The following FBN2 variants were observed in gnomAD, a reference collection of about 807,000 sequenced individuals.
FBN2 encodes fibrillin-2.
FBN2 carries 105 observed loss-of-function variants against 355.6 expected under a neutral mutation model. The observed-to-expected ratio is 0.30, with a 90% CI of 0.25 to 0.35. FBN2 has a LOEUF of 0.35. Ranked by LOEUF, FBN2 falls within the 10% of genes least tolerant of loss-of-function variation. The pLI, the probability that FBN2 is intolerant of heterozygous loss-of-function variation, is 1.00. For missense variants in FBN2, 3,280 were observed against 3,758.7 expected (o/e 0.87, Z 3.33); for synonymous variants, 1,350 against 1,301.2 (o/e 1.04, Z -0.81).
At chr5:128,304,145 T>C (rs1749799158) in intron 45 of FBN2, among the ~76,000 whole-genome samples, 1 of 152,214 alleles carries the variant, frequency 6.6e-6, no homozygotes, top group African/African-American at 2.4e-5. Flanking sequence ...CAAGAGTAGC[T>C]GAACAGCCCT....
intron 48 of FBN2, among the ~76,000 whole-genome samples, chr5:128,296,968 A>G (rs989630241): frequency 2.0e-5 from 3 of 151,804 alleles, no homozygotes; most frequent in African/African-American, 4.8e-5. Context: ...TTCTCTTGTG[A>G]GCATTTAGTG....
intron 7 of FBN2, among the ~76,000 whole-genome samples, chr5:128,410,960 T>A (rs1224691358): frequency 6.6e-6 from 1 of 152,222 alleles, no homozygotes; most frequent in Non-Finnish European, 1.5e-5. Context: ...GGTGCTTTTT[T>A]AAAACAACAA....
Position 128,464,912 on chromosome 5 carries a change from G to T in FBN2, c.638C>A (p.Thr213Lys). Reference protein sequence around the residue: ...TGPQCERDYRTGPCFTQVNNQ... With the variant: ...TGPQCERDYRKGPCFTQVNNQ... ...GTTGACCTGAGTGAAACACGGGCCTGTCCTGTAATCTGGAATGTGGGAGAA... is the reference window on the plus strand; with the variant it reads ...GTTGACCTGAGTGAAACACGGGCCTTTCCTGTAATCTGGAATGTGGGAGAA... The change falls in exon 6 of 65, where the codon ACA becomes AAA. Residue 213 changes from threonine (T) to lysine (K), a missense_variant. Thr to Lys is a moderately conservative substitution (Grantham distance 78). Coordinates refer to ENST00000262464, the MANE Select transcript of FBN2 (RefSeq NM_001999.4). 1 of 1,614,196 alleles carries T rather than the reference G, an allele frequency of 6.2e-7. No individual in the cohort carries two copies.
chr5:128,368,099 C>A (rs1751821463), intron 16 of FBN2, among the ~76,000 whole-genome samples: 1 of 152,004 alleles, frequency 6.6e-6, no homozygotes, highest in African/African-American at 2.4e-5. Context: ...CTACAAATTG[C>A]TCCTTCCTCT....
intron 39 of FBN2, among the ~76,000 whole-genome samples, chr5:128,310,380 ATATATATATATATATATATATATTT>A (rs1467012129): frequency 4.9e-4 from 6 of 12,206 alleles, no homozygotes; most frequent in African/African-American, 2.3e-3. Context: ...ATATATATAT[ATATATATATATATATATATATATTT>A]TTTTTTTTTT....
intron 62 of FBN2, among the ~76,000 whole-genome samples, chr5:128,270,049 C>A (rs1303294548): frequency 6.6e-6 from 1 of 152,308 alleles, no homozygotes; most frequent in Non-Finnish European, 1.5e-5. Context: ...CACACATCTA[C>A]AACCATCTGA....
chr5:128,453,476 T>A (rs1296838517), intron 6 of FBN2, among the ~76,000 whole-genome samples: 1 of 152,346 alleles, frequency 6.6e-6, no homozygotes, highest in East Asian at 1.9e-4. Flanking sequence ...GGCCTTCCTA[T>A]AACTGATGCT....
chr5:128,507,026 T>C (rs1435135540), intron 5 of FBN2, among the ~76,000 whole-genome samples: 2 of 152,086 alleles, frequency 1.3e-5, no homozygotes, highest in Admixed American at 6.5e-5. Context: ...GATATTTATA[T>C]GTTGTTTTCT....
intron 2 of FBN2, among the ~76,000 whole-genome samples, chr5:128,535,099 A>C (rs1035133401): frequency 1.3e-5 from 2 of 152,228 alleles, no homozygotes; most frequent in African/African-American, 2.4e-5. Flanking sequence ...AATGCAGAAC[A>C]TGTTCTTTTA....
At chr5:128,479,128 T>A (rs957171281) in intron 5 of FBN2, among the ~76,000 whole-genome samples, 1 of 152,260 alleles carries the variant, frequency 6.6e-6, no homozygotes, top group Admixed American at 6.5e-5. Context: ...TCTTGTGACA[T>A]GACCGTAACA....
intron 48 of FBN2, 113 bp downstream of exon 48, chr5:128,300,704 A>G: frequency 1.9e-6 from 2 of 1,065,698 alleles, no homozygotes; most frequent in Non-Finnish European, 2.9e-6. Context: ...TATATGTTTA[A>G]TTCCTTAGGT....
rs1752098921 is a variant in FBN2, at chr5:128,377,063, T to G, written c.1850-210A>C. Among the ~76,000 whole-genome samples, 3 of 152,152 alleles carry G rather than the reference T, an allele frequency of 2.0e-5. No homozygotes were observed. In the South Asian group the frequency reaches 6.2e-4, roughly 32 times the overall value. ...TTCAGTATATGGATATAAAGGAAAA[T>G]AATCAAATTTTGTGCTTAGCTCCTG... On this transcript the variant is annotated intron_variant, in intron 13 of 64. Coordinates refer to ENST00000262464, the MANE Select transcript of FBN2 (RefSeq NM_001999.4).
intron 7 of FBN2, among the ~76,000 whole-genome samples, chr5:128,445,466 C>T (rs1754039478): frequency 6.6e-6 from 1 of 152,172 alleles, no homozygotes; most frequent in South Asian, 2.1e-4. Flanking sequence ...GTTCATACTG[C>T]TGTTTATCTT....
At chr5:128,326,270 T>C (rs190613682) in intron 34 of FBN2, among the ~76,000 whole-genome samples, 1 of 152,338 alleles carries the variant, frequency 6.6e-6, no homozygotes, top group East Asian at 1.9e-4. Context: ...CTGTATTCAG[T>C]CGCCCAAAGT....
rs1179052418 is a variant in FBN2, at chr5:128,299,311, G to A, written c.6166+1506C>T. On this transcript the variant is annotated intron_variant, in intron 48 of 64. Transcript: ENST00000262464. ...GTTTGTCTGTGCCCTGCCCCCAGAG[G>A]TGGAGCCTACAGAGGCAGGCAGGCC... Among the ~76,000 whole-genome samples the A allele has an allele frequency of 6.6e-5, 10 of 151,862 alleles. No homozygotes were observed. In the South Asian group the frequency reaches 2.1e-3, roughly 32 times the overall value.
chr5:128,477,604 A>C (rs1755040154), intron 5 of FBN2, among the ~76,000 whole-genome samples: 1 of 152,210 alleles, frequency 6.6e-6, no homozygotes, highest in Non-Finnish European at 1.5e-5. Context: ...TAATCTGTAC[A>C]ATAACCGTAT....
chr5:128,310,167 T>A, intron 39 of FBN2, 59 bp from the exon 40 acceptor site: 1 of 1,403,670 alleles, frequency 7.1e-7, no homozygotes, highest in Non-Finnish European at 9.9e-7. Context: ...GAATTTATAT[T>A]ACTTAGATGA....
At chr5:128,522,209 TC>T (rs1398445318) in intron 4 of FBN2, among the ~76,000 whole-genome samples, 1 of 152,110 alleles carries the variant, frequency 6.6e-6, no homozygotes, top group Non-Finnish European at 1.5e-5. Context: ...GAGAGTGGGT[TC>T]CCCCAGGACA....
Position 128,537,723 on chromosome 5 carries a change from C to T in FBN2, c.-120G>A, listed in dbSNP as rs1756899120. 2 of 948,302 alleles carry T rather than the reference C, an allele frequency of 2.1e-6. No homozygotes were observed. Among genetic ancestry groups the T allele is most frequent in the Admixed American group, 4.1e-5 (2 of 48,296 alleles). 58.7% of individuals were successfully genotyped at this position (948,302 alleles called of 1,614,324 possible). ...GCCCTTCGTCGGCTCCGGGGACTCC[C>T]TCGGGCTCGGGCTCCCTGCTCTAGC... On this transcript the variant is annotated 5_prime_UTR_variant, in exon 1 of 65. Transcript: ENST00000262464.
Sources: allele counts gnomAD v4.1 joint callset (sites outside exome capture counted in the v4.1 genomes callset), GRCh38; gene constraint gnomAD v4.1.1; transcripts MANE v1.5; gene names NCBI Gene and HGNC (gene_info 2026-07-23, HGNC 2026-07-21).